The following TPD52L2 variants were observed in gnomAD, a reference collection of about 807,000 sequenced individuals.
The protein encoded by TPD52L2 is TPD52 like 2.
A neutral mutation model predicts 24.7 loss-of-function variants in TPD52L2; 19 were observed. The observed-to-expected ratio is 0.77, with a 90% confidence interval of 0.54 to 1.13. The LOEUF (loss-of-function observed/expected upper bound fraction) is 1.13, where lower values mean the gene tolerates loss of function less well. TPD52L2 is among the 50% of genes most tolerant of loss of function. The probability of loss-of-function intolerance (pLI) is 0.00; values close to 1 mark genes in which losing one functional copy is unlikely to be tolerated. For missense variants in TPD52L2, 236 were observed against 250.4 expected, an observed-to-expected ratio of 0.94 and a Z score of 0.39; for synonymous variants, 104 against 100.2, an observed-to-expected ratio of 1.04 and a Z score of -0.23.
At chr20:63,873,479 C>T (rs2052543712) in intron 2 of TPD52L2, among the ~76,000 whole-genome samples, 189 bp from the exon 3 acceptor site, 1 of 147,406 alleles carries the variant, frequency 6.8e-6, no homozygotes, top group Non-Finnish European at 1.5e-5. Flanking sequence ...ACGAGCGAAA[C>T]TCCATCTCAA....
Position 63,877,572 on chromosome 20 carries a change from T to A in TPD52L2, c.374+1697T>A, listed in dbSNP as rs553280506. ...GACAGTGACGGTCATCCTTGCAGTT[T>A]GGGCATCAGGCGGACGCACAGTGCA... On this transcript the variant is annotated intron_variant, in intron 4 of 6. Coordinates refer to ENST00000346249, the MANE Select transcript of TPD52L2 (RefSeq NM_003288.4). This position sits in a 1 kb window ranked among gnomAD's most constrained non-coding sequence, Gnocchi z 4.1. 1.3e-5 allele frequency among the ~76,000 whole-genome samples: 2 copies of A among 152,216 alleles called. No individual in the cohort carries two copies. Among genetic ancestry groups the A allele is most frequent in the Non-Finnish European group, 2.9e-5 (2 of 68,034 alleles).
chr20:63,887,369 GCC>G, intron 5 of TPD52L2: 4 of 717,344 alleles, frequency 5.6e-6, no homozygotes, highest in Non-Finnish European at 1.0e-5. Flanking sequence ...AACTTGGGGT[GCC>G]CCCCATGAGG....
intron 1 of TPD52L2, among the ~76,000 whole-genome samples, chr20:63,865,747 C>T (rs1486795130): frequency 2.1e-5 from 3 of 140,396 alleles, no homozygotes; most frequent in Non-Finnish European, 4.6e-5. Context: ...CTGCCACCCC[C>T]CGGTCCCTGC....
At position 63,873,892 on chromosome 20, in the gene TPD52L2, C is replaced by T. The variant is rs1008826643; in HGVS notation, c.314+76C>T. 2.4e-5 allele frequency: 34 copies of T among 1,391,574 alleles called. No homozygotes were observed. The South Asian group carries it at 3.7e-4, about 15-fold the overall frequency. The allele number at this position is 1,391,574 out of a possible 1,614,324, so 86.2% of individuals were successfully genotyped here. ...ACACGTGCCCCGGCATGTGGGGGGG[C>T]GTCGTCATGCCCAGGGACGAGTTGC... On this transcript the variant is annotated intron_variant, in intron 3 of 6. Coordinates refer to ENST00000346249, the MANE Select transcript of TPD52L2 (RefSeq NM_003288.4).
chr20:63,885,493 C>T (rs565196795), intron 5 of TPD52L2, among the ~76,000 whole-genome samples: 12 of 152,350 alleles, frequency 7.9e-5, no homozygotes, highest in South Asian at 2.1e-4. Flanking sequence ...ACGGATGGAG[C>T]GCAGAGCAGA....
intron 4 of TPD52L2, among the ~76,000 whole-genome samples, chr20:63,881,132 C>T (rs963927371): frequency 1.3e-5 from 2 of 152,036 alleles, no homozygotes; most frequent in African/African-American, 2.4e-5. Flanking sequence ...GAGGCCGAGG[C>T]GGGTGGATCA....
At chr20:63,870,645 T>A (rs1026352045) in intron 2 of TPD52L2, among the ~76,000 whole-genome samples, 2 of 145,984 alleles carry the variant, frequency 1.4e-5, no homozygotes, top group African/African-American at 5.1e-5. Context: ...TGCCTCAGCC[T>A]CCTGAGTAGC....
At chr20:63,866,333 G>C (rs983536792) in intron 1 of TPD52L2, among the ~76,000 whole-genome samples, 4 of 152,132 alleles carry the variant, frequency 2.6e-5, no homozygotes, top group African/African-American at 9.7e-5. Flanking sequence ...TCGATCTCTT[G>C]ACCTTGTGAT....
intron 5 of TPD52L2, among the ~76,000 whole-genome samples, chr20:63,886,486 C>T (rs1243190877): frequency 2.6e-5 from 4 of 151,838 alleles, no homozygotes; most frequent in Admixed American, 1.3e-4. Context: ...TCAGCCTCTC[C>T]GAGTAGCTGG....
rs2052375500 is a variant in TPD52L2, at chr20:63,869,329, T to C, written c.53T>C (p.Leu18Pro). 7.4e-6 allele frequency: 12 copies of C among 1,614,108 alleles called. No homozygotes were observed. The highest frequency in any genetic ancestry group is 1.0e-5 in the Non-Finnish European group (12 of 1,180,040). Reference protein sequence around the residue: ...INLNSPNKGLLSDSMTDVPVD... With the variant: ...INLNSPNKGLPSDSMTDVPVD... ...CTGAATTCTCCTAACAAAGGTCTGC[T>C]GTCTGACTCCATGACGGATGTTCCT... Residue 18 changes from leucine (L) to proline (P), a missense_variant, in exon 2 of 7, where the codon CTG (leucine) becomes CCG (proline). Physicochemically the swap from Leu to Pro is moderately conservative, Grantham distance 98 (BLOSUM62 -3). Transcript: ENST00000346249.
intron 1 of TPD52L2, among the ~76,000 whole-genome samples, chr20:63,867,298 GCTTACGC>G (rs1420454696): frequency 6.6e-6 from 1 of 152,190 alleles, no homozygotes; most frequent in Non-Finnish European, 1.5e-5. Context: ...GGGCTCGGTG[GCTTACGC>G]CTGTAATTCT....
rs901042656 is a variant in TPD52L2, at chr20:63,891,310, G to A, written c.*1365G>A. The A allele has an allele frequency of 3.9e-5, 6 of 152,610 alleles. No homozygotes were observed. The highest frequency in any genetic ancestry group is 3.3e-4 in the Admixed American group (5 of 15,268). The allele number at this position is 152,610 out of a possible 1,614,324, so 9.5% of individuals were successfully genotyped here. ...CTGTTCGGTAGAGCAAGTGTCCTCT[G>A]ACAGCCGTGTCCCCGGACAGTTCAG... On this transcript the variant is annotated 3_prime_UTR_variant, in exon 7 of 7. Coordinates refer to ENST00000346249, the MANE Select transcript of TPD52L2 (RefSeq NM_003288.4). The surrounding 1 kb of genome is among the most constrained non-coding windows in gnomAD (Gnocchi z 4.7).
intron 5 of TPD52L2, chr20:63,888,442 CAG>C (rs1257619373): frequency 6.6e-6 from 1 of 150,620 alleles, no homozygotes; most frequent in Non-Finnish European, 1.5e-5. Flanking sequence ...CCCAACTGCG[CAG>C]ACTTTTCATA....
chr20:63,889,110 A>T (rs1315381267), intron 5 of TPD52L2, 80 bp from the exon 6 acceptor site: 2 of 1,293,772 alleles, frequency 1.5e-6, no homozygotes, highest in Non-Finnish European at 1.1e-6. Context: ...GGCTGGCCCT[A>T]ACCCTGAGGC....
At position 63,874,258 on chromosome 20, in the gene TPD52L2, T is replaced by TG. The variant is rs1600801100; in HGVS notation, c.314+442_314+443insG. Among the ~76,000 whole-genome samples the TG allele has an allele frequency of 6.3e-5, 9 of 143,292 alleles. No individual in the cohort carries two copies. The East Asian group carries it at 1.4e-3, about 22-fold the overall frequency. The allele number at this position is 143,292 out of a possible 152,430, so 94.0% of individuals were successfully genotyped here. On this transcript the variant is annotated intron_variant, in intron 3 of 6. Coordinates refer to ENST00000346249, the MANE Select transcript of TPD52L2 (RefSeq NM_003288.4). ...TGTGTGTGTGTGTGTGTGTGTGTGT[T>TG]TTTAGTAGAGATGGGGTTTCACCAT...
chr20:63,882,957 C>T, intron 5 of TPD52L2, 137 bp downstream of exon 5: 1 of 665,166 alleles, frequency 1.5e-6, no homozygotes, highest in South Asian at 1.9e-5. Context: ...CATCATGGCC[C>T]CGACCAGTCT....
chr20:63,869,154 TCA>T (rs2146177734), intron 1 of TPD52L2, 140 bp from the exon 2 acceptor site: 1 of 937,408 alleles, frequency 1.1e-6, no homozygotes, highest in East Asian at 2.5e-5. Flanking sequence ...CATGCTGTCC[TCA>T]CAGACCTTTC....
chr20:63,869,557 C>T, intron 2 of TPD52L2, 116 bp downstream of exon 2: 2 of 1,323,834 alleles, frequency 1.5e-6, no homozygotes, highest in Non-Finnish European at 2.1e-6. Context: ...GGTCACCTAC[C>T]CTGCTCTGTG....
In TPD52L2 at chr20:63,869,380, C is replaced by G. The variant is rs2052379002; in HGVS notation, c.104C>G (p.Thr35Ser). The part of the protein sequence containing the change: ...VPVDTGVAAR[T>S]PAVEGLTEAE... ...GTCGACACAGGTGTGGCTGCCCGGA[C>G]TCCTGCTGTTGAGGGTCTGACAGAG... The change falls in exon 2 of 7, where the codon ACT becomes AGT. Residue 35 changes from threonine to serine, a missense_variant. Physicochemically the swap from Thr to Ser is moderately conservative, Grantham distance 58. Coordinates refer to ENST00000346249, the MANE Select transcript of TPD52L2 (RefSeq NM_003288.4). 6 of 1,614,106 alleles carry G rather than the reference C, an allele frequency of 3.7e-6. No homozygotes were observed. In the South Asian group the frequency reaches 6.6e-5, roughly 18 times the overall value.
Sources: allele counts gnomAD v4.1 joint callset (sites outside exome capture counted in the v4.1 genomes callset), GRCh38; gene constraint gnomAD v4.1.1; non-coding constraint Gnocchi (gnomAD v3.1); transcripts MANE v1.5; gene names NCBI Gene and HGNC (gene_info 2026-07-23, HGNC 2026-07-21).